Variants in IQSEC1 observed in about 807,000 individuals in gnomAD.
The protein encoded by IQSEC1 is IQ motif and SEC7 domain-containing protein 1.
A neutral mutation model predicts 91.0 loss-of-function variants in IQSEC1; 31 were observed. The ratio of observed to expected loss-of-function variants is 0.34; its 90% confidence interval spans 0.26 to 0.46. The LOEUF is 0.46. Among genes scored for constraint, IQSEC1 ranks in the 20% least tolerant of loss-of-function variants. The pLI is 1.00. For missense variants in IQSEC1, 1,388 were observed against 1,575.6 expected, an observed-to-expected ratio of 0.88 and a Z score of 2.02; for synonymous variants, 699 against 662.6, an observed-to-expected ratio of 1.05 and a Z score of -0.84.
rs2124931758 is a variant in IQSEC1 at position 12,897,510 on chromosome 3, A to G, written c.*3473T>C. On this transcript the variant is annotated 3_prime_UTR_variant, in exon 14 of 14. Coordinates refer to ENST00000613206, the MANE Select transcript of IQSEC1 (RefSeq NM_001134382.3). ...GTGCAGTCTCGATGTGACTGCACAC[A>G]GAAGGGCGATGCAGATGCATCTGAA... The G allele has an allele frequency of 6.6e-6, 1 of 152,362 alleles. No homozygotes were observed. Among genetic ancestry groups the G allele is most frequent in the Middle Eastern group, 3.4e-3 (1 of 294 alleles). 9.4% of individuals were successfully genotyped at this position (152,362 alleles called of 1,614,324 possible).
intron 2 of IQSEC1, among the ~76,000 whole-genome samples, chr3:13,123,720 C>T (rs1395305414): frequency 2.0e-5 from 3 of 152,184 alleles, no homozygotes; most frequent in African/African-American, 7.2e-5. Flanking sequence ...GCAGGTTGCT[C>T]AGGAACACAC....
At chr3:13,030,329 G>T (rs1483258803) in intron 1 of IQSEC1, among the ~76,000 whole-genome samples, 1 of 152,172 alleles carries the variant, frequency 6.6e-6, no homozygotes, top group African/African-American at 2.4e-5. Flanking sequence ...ACTCCTCCTG[G>T]TCTCAAGTGA....
In IQSEC1 at chr3:12,899,729, G is replaced by A. The variant is rs1346379587; in HGVS notation, c.*1254C>T. The A allele has an allele frequency of 7.3e-5, 72 of 985,282 alleles. No individual in the cohort carries two copies. Among genetic ancestry groups the A allele is most frequent in the Admixed American group, 1.2e-4 (2 of 16,270 alleles). 61.0% of individuals were successfully genotyped at this position (985,282 alleles called of 1,614,324 possible). On this transcript the variant is annotated 3_prime_UTR_variant, in exon 14 of 14. Transcript: ENST00000613206. ...AAACAAAACGGGAAACACACACACC[G>A]CCCTGGGTTGCTAAACGCTAAAGTC...
chr3:13,236,427 A>G (rs1333654944), intron 1 of IQSEC1, among the ~76,000 whole-genome samples: 1 of 152,200 alleles, frequency 6.6e-6, no homozygotes, highest in East Asian at 1.9e-4. Flanking sequence ...TGATGTTTCC[A>G]TGGGCCAGGT....
chr3:13,041,231 G>C (rs360821), intron 1 of IQSEC1, among the ~76,000 whole-genome samples: 41,199 of 148,736 alleles, frequency 0.28, 6,119 homozygotes, highest in Non-Finnish European at 0.35. Context: ...CGGGGGGTGG[G>C]GTGAAAGGCT....
At chr3:13,277,938 C>T (rs977157562) in intron 1 of IQSEC1, among the ~76,000 whole-genome samples, 2 of 152,166 alleles carry the variant, frequency 1.3e-5, no homozygotes, top group African/African-American at 4.8e-5. Context: ...TTATCAGGGG[C>T]TCCCGGCAGG....
chr3:13,001,144 A>G (rs530048308), intron 1 of IQSEC1, among the ~76,000 whole-genome samples: 158 of 151,910 alleles, frequency 1.0e-3, no homozygotes, highest in African/African-American at 3.7e-3. Flanking sequence ...TATTTTTAGT[A>G]GAGATGGGGT....
chr3:12,904,871 C>T (rs916755654), intron 12 of IQSEC1, among the ~76,000 whole-genome samples: 2 of 152,220 alleles, frequency 1.3e-5, no homozygotes, highest in African/African-American at 2.4e-5. Flanking sequence ...ATAGTGTCCC[C>T]ACCTGGAGTT....
At chr3:13,254,737 C>T (rs1282662598) in intron 1 of IQSEC1, among the ~76,000 whole-genome samples, 2 of 152,222 alleles carry the variant, frequency 1.3e-5, no homozygotes, top group Non-Finnish European at 1.5e-5. Flanking sequence ...TACTGCCCAG[C>T]GAGCAGCAGG....
chr3:13,084,700 T>C (rs751592395), intron 2 of IQSEC1, among the ~76,000 whole-genome samples: 1 of 152,162 alleles, frequency 6.6e-6, no homozygotes, highest in Non-Finnish European at 1.5e-5. Flanking sequence ...TGGGCCCAGC[T>C]TCAGGCTCTG....
chr3:12,990,447 T>G (rs2125625701), intron 1 of IQSEC1, among the ~76,000 whole-genome samples: 1 of 152,260 alleles, frequency 6.6e-6, no homozygotes, highest in South Asian at 2.1e-4. Context: ...GAGTTCACAG[T>G]CTGGAAGAAG....
intron 2 of IQSEC1, among the ~76,000 whole-genome samples, chr3:13,162,751 C>T (rs1339304570): frequency 6.6e-6 from 1 of 152,180 alleles, no homozygotes; most frequent in Non-Finnish European, 1.5e-5. Context: ...CATCGTGCAC[C>T]AGGGCAGTCT....
intron 1 of IQSEC1, among the ~76,000 whole-genome samples, chr3:12,947,231 T>G (rs573442045): frequency 6.6e-6 from 1 of 152,306 alleles, no homozygotes; most frequent in Admixed American, 6.5e-5. Context: ...CCCGACGTGA[T>G]GAAGTACACT....
chr3:13,123,873 T>C (rs1045351946), intron 2 of IQSEC1, among the ~76,000 whole-genome samples: 1 of 152,216 alleles, frequency 6.6e-6, no homozygotes, highest in African/African-American at 2.4e-5. Flanking sequence ...GGATTTAGCA[T>C]ATGTGGATCA....
At chr3:13,277,107 A>T (rs868653567) in intron 1 of IQSEC1, among the ~76,000 whole-genome samples, 415 of 17,810 alleles carry the variant, frequency 0.023, no homozygotes, top group African/African-American at 0.095. Flanking sequence ...GCTCCTCCTT[A>T]AAAAAAAAAA....
intron 12 of IQSEC1, among the ~76,000 whole-genome samples, chr3:12,904,906 C>A (rs1295633677): frequency 2.6e-5 from 4 of 152,198 alleles, no homozygotes; most frequent in African/African-American, 9.6e-5. Context: ...TTACCCTGCC[C>A]AACTTGGGTG....
chr3:12,965,062 C>T (rs1376702809), intron 1 of IQSEC1, among the ~76,000 whole-genome samples: 1 of 152,214 alleles, frequency 6.6e-6, no homozygotes, highest in African/African-American at 2.4e-5. Flanking sequence ...CCTCCAGAGG[C>T]CTCCATCACA....
chr3:13,108,282 G>A (rs636758), intron 2 of IQSEC1, among the ~76,000 whole-genome samples: 53,723 of 151,996 alleles, frequency 0.35, 9,725 homozygotes, highest in South Asian at 0.5. Flanking sequence ...TCATGACATG[G>A]AATCCCTAAG....
chr3:12,932,579 T>G (rs1052738935), intron 3 of IQSEC1, among the ~76,000 whole-genome samples: 9 of 152,202 alleles, frequency 5.9e-5, no homozygotes, highest in Admixed American at 5.9e-4. Flanking sequence ...AATGCCTGTT[T>G]GGGTCTTCCT....
Sources: gnomAD v4.1 joint callset for allele counts (sites outside exome capture counted in the v4.1 genomes callset) on GRCh38, gnomAD v4.1.1 for gene constraint, MANE v1.5 for transcripts, NCBI Gene and HGNC (gene_info 2026-07-23, HGNC 2026-07-21) for gene names.